The following LRFN5 variants were observed in gnomAD, a reference collection of about 807,000 sequenced individuals.
The protein encoded by LRFN5 is leucine rich repeat and fibronectin type III domain containing 5.
A neutral mutation model predicts 45.6 loss-of-function variants in LRFN5; 24 were observed. That is an observed-to-expected ratio of 0.53 (90% confidence interval 0.38 to 0.74). The LOEUF (loss-of-function observed/expected upper bound fraction) is 0.74. LRFN5 is among the 30% of genes least tolerant of loss of function. The probability of loss-of-function intolerance (pLI) is 0.00; values close to 1 mark genes in which losing one functional copy is unlikely to be tolerated. For synonymous variants in LRFN5, 340 were observed against 313.8 expected, an observed-to-expected ratio of 1.08 and a Z score of -0.88; for missense variants, 776 against 861.5, an observed-to-expected ratio of 0.90 and a Z score of 1.24.
At chr14:41,881,248 G>A (rs546944310) in intron 2 of LRFN5, among the ~76,000 whole-genome samples, 1 of 151,986 alleles carries the variant, frequency 6.6e-6, no homozygotes, top group East Asian at 1.9e-4. Context: ...ATTTTTCTTA[G>A]ATTTTGCCTA....
At chr14:41,650,006 T>C (rs1361627431) in intron 1 of LRFN5, among the ~76,000 whole-genome samples, 1 of 152,058 alleles carries the variant, frequency 6.6e-6, no homozygotes, top group African/African-American at 2.4e-5. Context: ...TAAGAAAAAA[T>C]GTAAAGATTT....
At chr14:41,666,782 CCAAGAGTGA>C (rs1056428189) in intron 1 of LRFN5, among the ~76,000 whole-genome samples, 2 of 151,904 alleles carry the variant, frequency 1.3e-5, no homozygotes, top group Non-Finnish European at 2.9e-5. Flanking sequence ...TTCTCACTGC[CCAAGAGTGA>C]CAGAAAAGAG....
At position 41,891,390 on chromosome 14, in the gene LRFN5, C is replaced by A; in HGVS notation, c.1526C>A (p.Thr509Asn). Reference sequence around the variant, plus strand: ...AGAGTCGTGGGTTGCATCCAGTTTACTACGGAACAGGATTATGTGCGTTGC... The same window carrying A: ...AGAGTCGTGGGTTGCATCCAGTTTAATACGGAACAGGATTATGTGCGTTGC... ...ATRVVGCIQF[T>N]TEQDYVRCHF... Residue 509 changes from threonine (T) to asparagine (N), a missense_variant, in exon 4 of 6, where the codon ACT becomes AAT. By Grantham distance (65) the Thr-to-Asn change is moderately conservative. This residue lies in a region of LRFN5 where 465 missense variants were observed against 456.4 expected (regional missense o/e 1.02). Transcript: ENST00000298119. 1 of 1,614,088 alleles carries A rather than the reference C, an allele frequency of 6.2e-7. No homozygotes were observed. The highest frequency in any genetic ancestry group is 8.5e-7 in the Non-Finnish European group (1 of 1,180,034).
Position 41,846,061 on chromosome 14 carries a change from G to A in LRFN5, c.-20-40545G>A, listed in dbSNP as rs547349288. ...TAAAAAACTGTACAGATGACCATGTGTCTGGTTGCATGGCGGTGAATGCAA... is the reference window on the plus strand; with the variant it reads ...TAAAAAACTGTACAGATGACCATGTATCTGGTTGCATGGCGGTGAATGCAA... On this transcript the variant is annotated intron_variant, in intron 2 of 5. Coordinates refer to ENST00000298119, the MANE Select transcript of LRFN5 (RefSeq NM_152447.5). Among the ~76,000 whole-genome samples the A allele has an allele frequency of 2.1e-4, 32 of 152,150 alleles. No homozygotes were observed. The South Asian group carries it at 6.4e-3, about 31-fold the overall frequency.
At chr14:41,679,647 G>T (rs1881795221) in intron 1 of LRFN5, among the ~76,000 whole-genome samples, 1 of 152,110 alleles carries the variant, frequency 6.6e-6, no homozygotes, top group Admixed American at 6.6e-5. Flanking sequence ...TGAGATTCAA[G>T]GATGTGCTAG....
chr14:41,672,575 A>C (rs960309569), intron 1 of LRFN5, among the ~76,000 whole-genome samples: 4 of 152,218 alleles, frequency 2.6e-5, no homozygotes, highest in African/African-American at 9.6e-5. Context: ...CAATAAAGTA[A>C]CAAATTTCTT....
intron 1 of LRFN5, among the ~76,000 whole-genome samples, chr14:41,704,134 C>T (rs563197605): frequency 2.4e-4 from 37 of 152,174 alleles, no homozygotes; most frequent in African/African-American, 8.2e-4. Context: ...CAAAACAGAC[C>T]TTTACCAGTG....
intron 1 of LRFN5, among the ~76,000 whole-genome samples, chr14:41,634,480 G>C (rs1191789218): frequency 6.6e-6 from 1 of 152,120 alleles, no homozygotes; most frequent in Non-Finnish European, 1.5e-5. Context: ...AGTGCTGTTG[G>C]CTAGACACGA....
At chr14:41,791,066 A>G (rs1886901540) in intron 2 of LRFN5, among the ~76,000 whole-genome samples, 1 of 151,862 alleles carries the variant, frequency 6.6e-6, no homozygotes, top group Non-Finnish European at 1.5e-5. Flanking sequence ...TTTTGTTGCT[A>G]TGCTATTTGG....
chr14:41,889,119 T>TAC (rs1259576225), intron 3 of LRFN5, among the ~76,000 whole-genome samples: 6 of 150,344 alleles, frequency 4.0e-5, no homozygotes, highest in African/African-American at 1.2e-4. Context: ...TGTCTCTATA[T>TAC]ATATATATAT....
Position 41,781,558 on chromosome 14 carries a change from G to GAGAAAGAAAGAAAGAAAGAA in LRFN5, c.-21+14569_-21+14588dup, listed in dbSNP as rs55859357. Among the ~76,000 whole-genome samples, 73 of 106,984 alleles carry GAGAAAGAAAGAAAGAAAGAA rather than the reference G, an allele frequency of 6.8e-4. 1 individual carries two copies. Among genetic ancestry groups the GAGAAAGAAAGAAAGAAAGAA allele is most frequent in the Middle Eastern group, 4.8e-3 (1 of 210 alleles). The allele number at this position is 106,984 out of a possible 152,430, so 70.2% of individuals were successfully genotyped here. A position where few individuals can be genotyped will look rare whatever the true frequency, so the allele number is the denominator to read the frequency against. ...AGGAAGGAAGGAAGGAGAAAAGAAA[G>GAGAAAGAAAGAAAGAAAGAA]AGAAAGAAAGAAAGAAAGAAAGAAA... On this transcript the variant is annotated intron_variant, in intron 2 of 5. Transcript: ENST00000298119.
chr14:41,690,851 C>T (rs145234304), intron 1 of LRFN5, among the ~76,000 whole-genome samples: 5 of 152,138 alleles, frequency 3.3e-5, no homozygotes, highest in South Asian at 2.1e-4. Flanking sequence ...TATCAAACTT[C>T]GTAAGTTTTA....
At chr14:41,693,194 T>C (rs1882457416) in intron 1 of LRFN5, among the ~76,000 whole-genome samples, 1 of 152,106 alleles carries the variant, frequency 6.6e-6, no homozygotes, top group South Asian at 2.1e-4. Context: ...GTTTAAATAT[T>C]TTTGGAAGTT....
intron 1 of LRFN5, among the ~76,000 whole-genome samples, chr14:41,718,718 T>C (rs144364663): frequency 6.6e-6 from 1 of 152,322 alleles, no homozygotes; most frequent in Non-Finnish European, 1.5e-5. Context: ...ATCTCAGCCC[T>C]GATTCATCTA....
At position 41,850,108 on chromosome 14, in the gene LRFN5, A is replaced by G. The variant is rs894944154; in HGVS notation, c.-20-36498A>G. On this transcript the variant is annotated intron_variant, in intron 2 of 5. Coordinates refer to ENST00000298119, the MANE Select transcript of LRFN5 (RefSeq NM_152447.5). ...AATATAGTACATGTATGTATAGTGC[A>G]TGTATAATATAGTACATGCATGTAT... is the stretch of plus-strand genomic sequence containing the variant. 2.6e-5 allele frequency among the ~76,000 whole-genome samples: 4 copies of G among 151,938 alleles called. No individual in the cohort carries two copies. In the East Asian group the frequency reaches 7.7e-4, roughly 29 times the overall value.
intron 1 of LRFN5, among the ~76,000 whole-genome samples, chr14:41,712,684 A>C (rs1405498416): frequency 6.6e-6 from 1 of 152,206 alleles, no homozygotes; most frequent in Non-Finnish European, 1.5e-5. Flanking sequence ...GGTGATTACT[A>C]TGAAGTTTGC....
intron 1 of LRFN5, among the ~76,000 whole-genome samples, chr14:41,749,451 A>G (rs1015549339): frequency 3.3e-5 from 5 of 152,202 alleles, no homozygotes; most frequent in Non-Finnish European, 7.3e-5. Context: ...TGTGCTACAT[A>G]TACACTACGA....
intron 2 of LRFN5, among the ~76,000 whole-genome samples, chr14:41,778,279 T>C (rs1269590816): frequency 6.6e-6 from 1 of 151,686 alleles, no homozygotes; most frequent in Admixed American, 6.6e-5. Context: ...TGAAACAACA[T>C]GACTCTTCTT....
chr14:41,888,861 A>G (rs1890671653), intron 3 of LRFN5, among the ~76,000 whole-genome samples: 1 of 151,954 alleles, frequency 6.6e-6, no homozygotes, highest in African/African-American at 2.4e-5. Context: ...TTTTCAGTTA[A>G]AAAGACATAT....
Sources: allele counts gnomAD v4.1 joint callset (sites outside exome capture counted in the v4.1 genomes callset), GRCh38; gene constraint gnomAD v4.1.1; regional missense constraint gnomAD v4.1.1; transcripts MANE v1.5; gene names NCBI Gene and HGNC (gene_info 2026-07-23, HGNC 2026-07-21).